DONSON: variants seen among roughly 807,000 people sequenced by gnomAD.
The protein encoded by DONSON is protein downstream neighbor of Son.
In DONSON, 43 loss-of-function variants were observed where a neutral mutation model predicts 62.1. That is an observed-to-expected ratio of 0.69 (90% CI 0.54 to 0.89). The LOEUF (loss-of-function observed/expected upper bound fraction) is 0.89, where lower values mean the gene tolerates loss of function less well. Among genes scored for constraint, DONSON ranks in the 40% least tolerant of loss-of-function variants. The pLI is 0.00. For missense variants in DONSON, 696 were observed against 697.5 expected (o/e 1.00, Z 0.03); for synonymous variants, 266 against 264.6 (o/e 1.01, Z -0.05).
intron 4 of DONSON, among the ~76,000 whole-genome samples, chr21:33,583,882 T>C (rs2086545946): frequency 6.6e-6 from 1 of 151,814 alleles, no homozygotes; most frequent in African/African-American, 2.4e-5. Context: ...AAATAGTGTA[T>C]ACCACTTAAA....
intron 1 of DONSON, 60 bp downstream of exon 1, chr21:33,588,261 C>T (rs2086604099): frequency 7.6e-6 from 9 of 1,187,772 alleles, no homozygotes; most frequent in Non-Finnish European, 9.5e-6. Flanking sequence ...CCCCCATTCA[C>T]AGCTGGCTCA....
intron 4 of DONSON, among the ~76,000 whole-genome samples, chr21:33,583,992 T>C (rs1327402169): frequency 2.8e-5 from 4 of 144,040 alleles, no homozygotes; most frequent in African/African-American, 1.0e-4. Context: ...AGAAGTAGCA[T>C]TAAAGAATTA....
chr21:33,583,188 G>A (rs528045320), intron 5 of DONSON, among the ~76,000 whole-genome samples: 12 of 54,680 alleles, frequency 2.2e-4, no homozygotes, highest in African/African-American at 1.1e-3. Flanking sequence ...GTGACAGAGC[G>A]AGTCTCCATC....
chr21:33,579,221 TA>T, intron 9 of DONSON, 128 bp downstream of exon 9: 2 of 612,704 alleles, frequency 3.3e-6, no homozygotes, highest in East Asian at 2.9e-5. Flanking sequence ...CTTCCTCTAG[TA>T]ATTCATAATT....
chr21:33,588,149 G>A (rs886248305), intron 1 of DONSON, among the ~76,000 whole-genome samples, 172 bp downstream of exon 1: 3 of 152,268 alleles, frequency 2.0e-5, no homozygotes, highest in African/African-American at 7.2e-5. Flanking sequence ...CCACAAACCC[G>A]GCCTTGCCAG....
rs2086462754 is a variant in DONSON at position 33,578,520 on chromosome 21, A to C, written c.1564-76T>G. 9.9e-6 allele frequency: 14 copies of C among 1,409,866 alleles called. No individual in the cohort carries two copies. In the South Asian group the frequency reaches 2.0e-4, roughly 20 times the overall value. 87.3% of individuals were successfully genotyped at this position (1,409,866 alleles called of 1,614,324 possible). A position where few individuals can be genotyped will look rare whatever the true frequency, so the allele number is the denominator to read the frequency against. ...CAGAAGAGTTAAATAATTACTATGG[A>C]GACTGACAAATAAATGGCTGATTAA... On this transcript the variant is annotated intron_variant, in intron 9 of 9. Coordinates refer to ENST00000303071, the MANE Select transcript of DONSON (RefSeq NM_017613.4).
chr21:33,584,058 T>C (rs1035794486), intron 4 of DONSON, among the ~76,000 whole-genome samples: 1 of 143,994 alleles, frequency 6.9e-6, no homozygotes, highest in Non-Finnish European at 1.5e-5. Flanking sequence ...TTTTTTTTTT[T>C]TTTTGAGACG....
rs752704331 is a variant in DONSON, at chr21:33,578,267, C to CT, written c.*39dup. ...AATCTTGAATTTCCTTGCTAGAAGG[C>CT]TTTTTTCCTCAAAGATTCCTTTTAG... On this transcript the variant is annotated 3_prime_UTR_variant, in exon 10 of 10. Coordinates refer to ENST00000303071, the MANE Select transcript of DONSON (RefSeq NM_017613.4). 5.7e-6 allele frequency: 9 copies of CT among 1,589,712 alleles called. No homozygotes were observed. The highest frequency in any genetic ancestry group is 1.4e-5 in the African/African-American group (1 of 74,012).
intron 1 of DONSON, among the ~76,000 whole-genome samples, chr21:33,587,868 C>T (rs548942352): frequency 3.3e-5 from 5 of 152,282 alleles, no homozygotes; most frequent in African/African-American, 1.2e-4. Flanking sequence ...TCTGACCCCA[C>T]GAATCCTCGA....
chr21:33,579,007 A>T (rs1007883949), intron 9 of DONSON, among the ~76,000 whole-genome samples: 11 of 152,058 alleles, frequency 7.2e-5, no homozygotes, highest in Non-Finnish European at 1.5e-4. Flanking sequence ...ATGTGGTGGC[A>T]CATGCCTGTA....
chr21:33,583,618 G>A lies in DONSON; in HGVS notation c.834C>T (p.Cys278=), dbSNP rs762330663. 3.7e-6 allele frequency: 6 copies of A among 1,612,222 alleles called. No homozygotes were observed. The African/African-American group carries it at 8.0e-5, about 22-fold the overall frequency. The change falls in exon 5 of 10, where the codon TGC becomes TGT. Residue 278 remains cysteine, a synonymous_variant. Transcript: ENST00000303071. ...SLYNLLKTKL[C]PYFYVCTYQF... ...GATAGGTACAAACGTAGAAATAGGG[G>A]CAAAGTTTTGTCTTCAGCAAATTAT...
rs746207457 is a variant in DONSON at position 33,586,150 on chromosome 21, A to G, written c.434T>C (p.Ile145Thr). 14 of 1,614,054 alleles carry G rather than the reference A, an allele frequency of 8.7e-6. No homozygotes were observed. The highest frequency in any genetic ancestry group is 1.3e-5 in the African/African-American group (1 of 74,938). Residue 145 changes from isoleucine to threonine, a missense_variant, in exon 3 of 10, where the codon ATT (isoleucine) becomes ACT (threonine). Transcript: ENST00000303071. ...TSHVSFSEPD[I>T]PSSKSTELPV... ...TAACTCAGTACTTTTTGAGGACGGA[A>G]TATCAGGCTCGGAGAATGATACATG...
At chr21:33,582,646 GTTTTA>G (rs879432201) in intron 5 of DONSON, among the ~76,000 whole-genome samples, 11 of 152,264 alleles carry the variant, frequency 7.2e-5, no homozygotes, top group Middle Eastern at 3.4e-3. Context: ...CCCAATATGT[GTTTTA>G]TTTTAGAGAT....
chr21:33,587,282 A>G (rs2086588276), intron 2 of DONSON: 4 of 842,464 alleles, frequency 4.7e-6, no homozygotes, highest in Non-Finnish European at 5.7e-6. Context: ...CCCCACGTCT[A>G]TCAGGCCTAT....
rs779641743 is a variant in DONSON, at chr21:33,581,381, G to A, written c.1271C>T (p.Thr424Ile). Residue 424 changes from threonine to isoleucine, a missense_variant, in exon 8 of 10, where the codon ACC (threonine) becomes ATC (isoleucine). Thr to Ile is a moderately conservative substitution (Grantham distance 89). Transcript: ENST00000303071. ...AGGAAGTCCTGCCTGTGGACCTGAG[G>A]TAGCAACTAAACTCTTAGAGTTAAT... ...FLINSKSLVATSGPQAGLPPT... is the reference protein window; with the variant it reads ...FLINSKSLVAISGPQAGLPPT... The A allele has an allele frequency of 4.3e-6, 7 of 1,614,148 alleles. No individual in the cohort carries two copies. In the East Asian group the frequency reaches 1.6e-4, roughly 36 times the overall value.
Position 33,587,469 on chromosome 21 carries a change from T to TA in DONSON, c.402+52_402+53insT, listed in dbSNP as rs558336351. The TA allele has an allele frequency of 1.0e-3, 1,544 of 1,472,962 alleles. 9 individuals carry two copies. The African/African-American group carries it at 0.016, about 15-fold the overall frequency. The allele number at this position is 1,472,962 out of a possible 1,614,324, so 91.2% of individuals were successfully genotyped here. On this transcript the variant is annotated intron_variant, in intron 2 of 9. Coordinates refer to ENST00000303071, the MANE Select transcript of DONSON (RefSeq NM_017613.4). ...TTTTTAAAAATAGGCTCAAATCCTA[T>TA]GAAAAAAAAGTTTATACAAATACAC... is the stretch of plus-strand genomic sequence containing the variant.
chr21:33,580,928 G>C (rs1426531589), intron 8 of DONSON, among the ~76,000 whole-genome samples: 3 of 151,466 alleles, frequency 2.0e-5, no homozygotes, highest in Non-Finnish European at 4.4e-5. Context: ...AAAAAAAATA[G>C]CTAGGCTTGG....
intron 2 of DONSON, 102 bp from the exon 3 acceptor site, chr21:33,586,283 A>C: frequency 1.1e-6 from 1 of 917,732 alleles, no homozygotes; most frequent in South Asian, 1.5e-5. Context: ...TAAAAATCAT[A>C]TAAGCTGTAT....
rs2086522195 is a variant in DONSON at position 33,582,319 on chromosome 21, T to C, written c.965-73A>G. On this transcript the variant is annotated intron_variant, in intron 5 of 9. Coordinates refer to ENST00000303071, the MANE Select transcript of DONSON (RefSeq NM_017613.4). Reference sequence around the variant, plus strand: ...ACAGGCATGCTGTACTTTTAGAGTGTAAAAAATTTGAAATGTTAGTTTTTA... The same window carrying C: ...ACAGGCATGCTGTACTTTTAGAGTGCAAAAAATTTGAAATGTTAGTTTTTA... The C allele has an allele frequency of 4.7e-6, 6 of 1,264,516 alleles. No individual in the cohort carries two copies. In the East Asian group the frequency reaches 1.4e-4, roughly 30 times the overall value. 78.3% of individuals were successfully genotyped at this position (1,264,516 alleles called of 1,614,324 possible).
Sources: gnomAD v4.1 joint callset for allele counts (sites outside exome capture counted in the v4.1 genomes callset) on GRCh38, gnomAD v4.1.1 for gene constraint, MANE v1.5 for transcripts, NCBI Gene and HGNC (gene_info 2026-07-23, HGNC 2026-07-21) for gene names.